The following NRG1 variants were observed in gnomAD, a reference collection of about 807,000 sequenced individuals.
NRG1 encodes the protein neuregulin 1, also known as pro-neuregulin-1, membrane-bound isoform.
A neutral mutation model predicts 63.8 loss-of-function variants in NRG1; 18 were observed. The observed-to-expected ratio is 0.28, with a 90% confidence interval of 0.19 to 0.42. NRG1 has a LOEUF of 0.42. Among genes scored for constraint, NRG1 ranks in the 10% least tolerant of loss-of-function variants. The probability of loss-of-function intolerance (pLI) is 1.00; values close to 1 mark genes in which losing one functional copy is unlikely to be tolerated. For missense variants in NRG1, 762 were observed against 814.7 expected (o/e 0.94, Z 0.79); for synonymous variants, 302 against 301.3 (o/e 1.00, Z -0.02).
chr8:32,579,030 C>T (rs1180501998), intron 1 of NRG1, among the ~76,000 whole-genome samples: 1 of 152,022 alleles, frequency 6.6e-6, no homozygotes, highest in African/African-American at 2.4e-5. Flanking sequence ...TCAGCAAAGA[C>T]AAAAATACTG....
At chr8:31,983,518 T>A (rs537342744) in intron 1 of NRG1, among the ~76,000 whole-genome samples, 1 of 152,192 alleles carries the variant, frequency 6.6e-6, no homozygotes, top group South Asian at 2.1e-4. Flanking sequence ...TAACTGAGAC[T>A]ACAGGAGTAT....
chr8:32,054,861 T>G (rs1298495354), intron 1 of NRG1, among the ~76,000 whole-genome samples: 9 of 71,060 alleles, frequency 1.3e-4, no homozygotes, highest in South Asian at 4.1e-4. Context: ...ATTTCTTTCT[T>G]TCTTTTTTTT....
intron 1 of NRG1, among the ~76,000 whole-genome samples, chr8:31,975,528 G>A (rs1275407408): frequency 1.3e-5 from 2 of 152,178 alleles, no homozygotes; most frequent in Non-Finnish European, 2.9e-5. Flanking sequence ...AAACTCATGG[G>A]AGTACTGCAT....
intron 6 of NRG1, 81 bp downstream of exon 6, chr8:32,728,159 CT>C (rs1822725063): frequency 3.8e-6 from 6 of 1,568,416 alleles, no homozygotes; most frequent in African/African-American, 1.4e-5. Context: ...TGTATTGTTG[CT>C]TTTTTTCCAA....
chr8:32,568,133 G>A (rs1330667232), intron 1 of NRG1, among the ~76,000 whole-genome samples: 1 of 152,224 alleles, frequency 6.6e-6, no homozygotes, highest in Non-Finnish European at 1.5e-5. Context: ...GATATGAATG[G>A]GAGGGGATTG....
chr8:32,170,438 G>T (rs1453884289), intron 1 of NRG1, among the ~76,000 whole-genome samples: 2 of 152,180 alleles, frequency 1.3e-5, no homozygotes, highest in Non-Finnish European at 2.9e-5. Context: ...CAGGTGAAAT[G>T]CAGCAGCGAA....
At chr8:32,028,943 G>A (rs532856683) in intron 1 of NRG1, among the ~76,000 whole-genome samples, 2 of 152,222 alleles carry the variant, frequency 1.3e-5, no homozygotes, top group South Asian at 4.1e-4. Flanking sequence ...AAATAATTTT[G>A]TAGCAGGATT....
At chr8:32,146,293 A>G (rs1401090397) in intron 1 of NRG1, among the ~76,000 whole-genome samples, 2 of 152,212 alleles carry the variant, frequency 1.3e-5, no homozygotes, top group Non-Finnish European at 1.5e-5. Flanking sequence ...TTTAATTGGA[A>G]CTTAAGAATA....
At chr8:32,380,080 T>C (rs777674548) in intron 1 of NRG1, among the ~76,000 whole-genome samples, 10 of 152,188 alleles carry the variant, frequency 6.6e-5, no homozygotes, top group Non-Finnish European at 1.0e-4. Context: ...CTCACCCAAA[T>C]TTATTTATTA....
chr8:32,491,674 G>A (rs1459097867), intron 1 of NRG1, among the ~76,000 whole-genome samples: 1 of 152,224 alleles, frequency 6.6e-6, no homozygotes, highest in East Asian at 1.9e-4. Flanking sequence ...AGCTGTTTTA[G>A]TTGGCTCCAA....
At chr8:32,747,640 G>A (rs890124001) in intron 7 of NRG1, among the ~76,000 whole-genome samples, 1 of 150,962 alleles carries the variant, frequency 6.6e-6, no homozygotes, top group African/African-American at 2.4e-5. Context: ...TGGACCCAAG[G>A]CAGAGGAAAT....
chr8:32,623,278 C>A (rs528696330), intron 5 of NRG1, among the ~76,000 whole-genome samples: 129 of 152,066 alleles, frequency 8.5e-4, no homozygotes, highest in Non-Finnish European at 1.3e-3. Context: ...TACATTCTAC[C>A]CTCAGTTGTA....
At chr8:31,644,374 T>G (rs1476534020) in intron 1 of NRG1, among the ~76,000 whole-genome samples, 1 of 152,174 alleles carries the variant, frequency 6.6e-6, no homozygotes, top group Non-Finnish European at 1.5e-5. Flanking sequence ...CCAACATAGG[T>G]CATTTGGGAG....
chr8:32,284,489 G>GCCTGCCTGCCTGCCTGCCTGCCTT (rs1338557078), intron 1 of NRG1, among the ~76,000 whole-genome samples: 1 of 132,522 alleles, frequency 7.5e-6, no homozygotes, highest in Non-Finnish European at 1.6e-5. Context: ...CTGCCTGCCT[G>GCCTGCCTGCCTGCCTGCCTGCCTT]CCTTCCTTCC....
In NRG1 at chr8:32,171,805, G is replaced by A. The variant is rs140031333; in HGVS notation, c.38-424023G>A. Among the ~76,000 whole-genome samples, 1,413 of 152,160 alleles carry A rather than the reference G, an allele frequency of 9.3e-3. 18 individuals are homozygous for A. Among genetic ancestry groups the A allele is most frequent in the African/African-American group, 0.033 (1,353 of 41,512 alleles). On this transcript the variant is annotated intron_variant, in intron 1 of 10. Coordinates refer to the NRG1 transcript ENST00000519301. ...GCGGCAGTGAGGCTGGGGGAGGGAC[G>A]CCCGCCATTGCCAAGGCCTGAGTAG... is the stretch of plus-strand genomic sequence containing the variant.
intron 1 of NRG1, among the ~76,000 whole-genome samples, chr8:32,284,751 A>G (rs1310474366): frequency 6.6e-6 from 1 of 152,010 alleles, no homozygotes; most frequent in Non-Finnish European, 1.5e-5. Context: ...GTTTCACTAT[A>G]TTGCCCAGGC....
At chr8:32,394,854 A>T (rs1812241492) in intron 1 of NRG1, among the ~76,000 whole-genome samples, 1 of 152,162 alleles carries the variant, frequency 6.6e-6, no homozygotes, top group African/African-American at 2.4e-5. Flanking sequence ...CATTAAGAAG[A>T]TCGCTTTTTC....
At chr8:32,439,519 C>T (rs34439382) in intron 1 of NRG1, among the ~76,000 whole-genome samples, 7,972 of 152,172 alleles carry the variant, frequency 0.052, 281 homozygotes, top group Middle Eastern at 0.085. Flanking sequence ...CTTCACAAGC[C>T]ACAGTCAGAA....
chr8:31,743,550 A>G (rs1815518768), intron 1 of NRG1, among the ~76,000 whole-genome samples: 1 of 151,516 alleles, frequency 6.6e-6, no homozygotes, highest in Admixed American at 6.6e-5. Flanking sequence ...TTTTCTATAT[A>G]TTGTTTAATA....
Sources: allele counts gnomAD v4.1 joint callset (sites outside exome capture counted in the v4.1 genomes callset), GRCh38; gene constraint gnomAD v4.1.1; transcripts MANE v1.5; gene names NCBI Gene and HGNC (gene_info 2026-07-23, HGNC 2026-07-21).